Variants in CADM1 observed in about 807,000 individuals in gnomAD.
CADM1 encodes TSLC-1.
Under a neutral mutation model 53.1 loss-of-function variants are expected in CADM1, and 15 were observed. The ratio of observed to expected loss-of-function variants is 0.28; its 90% CI spans 0.19 to 0.44. The LOEUF (loss-of-function observed/expected upper bound fraction) is 0.44, where lower values mean the gene tolerates loss of function less well. CADM1 is among the 20% of genes least tolerant of loss of function. The pLI is 1.00. For missense variants in CADM1, 434 were observed against 611.3 expected (o/e 0.71, Z 3.06); for synonymous variants, 281 against 243.0 (o/e 1.16, Z -1.45).
At chr11:115,217,845 C>T (rs1941251121) in intron 6 of CADM1, 47 bp downstream of exon 6, 2 of 1,163,182 alleles carry the variant, frequency 1.7e-6, no homozygotes, top group Non-Finnish European at 2.6e-6. Context: ...TGTGTTGTGA[C>T]ATTTACTGCG....
chr11:115,383,583 G>A (rs1475192424), intron 1 of CADM1, among the ~76,000 whole-genome samples: 1 of 152,182 alleles, frequency 6.6e-6, no homozygotes, highest in Non-Finnish European at 1.5e-5. Context: ...TTGAACCACA[G>A]AGCAATGCCC....
At chr11:115,323,281 G>C (rs571796553) in intron 1 of CADM1, among the ~76,000 whole-genome samples, 1 of 152,002 alleles carries the variant, frequency 6.6e-6, no homozygotes, top group Admixed American at 6.6e-5. Context: ...CAACTATTCG[G>C]TAGAAATATA....
intron 1 of CADM1, among the ~76,000 whole-genome samples, chr11:115,326,946 T>C (rs1350948886): frequency 6.6e-6 from 1 of 152,210 alleles, no homozygotes; most frequent in African/African-American, 2.4e-5. Context: ...ACCACCGGGC[T>C]ATACTTTCTA....
chr11:115,269,425 C>T (rs972373893), intron 1 of CADM1, among the ~76,000 whole-genome samples: 2 of 152,132 alleles, frequency 1.3e-5, no homozygotes, highest in African/African-American at 4.8e-5. Flanking sequence ...CCTCCATTTC[C>T]GTTATTCAGG....
chr11:115,374,291 A>G (rs1946384772), intron 1 of CADM1, among the ~76,000 whole-genome samples: 1 of 152,224 alleles, frequency 6.6e-6, no homozygotes, highest in Non-Finnish European at 1.5e-5. Context: ...ATAATAATTG[A>G]ATGGATTGAA....
chr11:115,320,053 T>C (rs1184824192), intron 1 of CADM1, among the ~76,000 whole-genome samples: 1 of 152,132 alleles, frequency 6.6e-6, no homozygotes, highest in Admixed American at 6.5e-5. Flanking sequence ...AAACTTTATT[T>C]ATTTATTCAT....
intron 1 of CADM1, among the ~76,000 whole-genome samples, chr11:115,265,715 T>C (rs1475025869): frequency 1.3e-5 from 2 of 152,120 alleles, no homozygotes; most frequent in East Asian, 3.8e-4. Flanking sequence ...TGGTGGGAAA[T>C]CATAAAAAGA....
chr11:115,375,032 T>TA (rs976586672), intron 1 of CADM1, among the ~76,000 whole-genome samples: 6 of 152,208 alleles, frequency 3.9e-5, no homozygotes, highest in Non-Finnish European at 8.8e-5. Context: ...GTTATCTTTT[T>TA]AAAAAAGAAT....
At chr11:115,295,759 CA>C (rs1944061487) in intron 1 of CADM1, among the ~76,000 whole-genome samples, 1 of 151,592 alleles carries the variant, frequency 6.6e-6, no homozygotes, top group Admixed American at 6.6e-5. Flanking sequence ...GGTTTTTGAT[CA>C]AACTAGCCTA....
At chr11:115,293,259 C>T (rs190404188) in intron 1 of CADM1, among the ~76,000 whole-genome samples, 36 of 152,188 alleles carry the variant, frequency 2.4e-4, no homozygotes, top group Non-Finnish European at 4.4e-4. Context: ...GGTGAAACCC[C>T]GTCTCTACTA....
chr11:115,306,180 A>G (rs1944368259), intron 1 of CADM1, among the ~76,000 whole-genome samples: 1 of 151,544 alleles, frequency 6.6e-6, no homozygotes, highest in Admixed American at 6.6e-5. Context: ...TAAGATTATA[A>G]TACTGTATTT....
In CADM1 at chr11:115,178,100, C is replaced by A. The variant is rs79072592; in HGVS notation, c.1297+544G>T. On this transcript the variant is annotated intron_variant, in intron 11 of 11. Coordinates refer to ENST00000331581, the MANE Select transcript of CADM1 (RefSeq NM_001301043.2). ...TGTGATGATTAATGGCAATTTAAAT[C>A]AATTGCACTGATAATTTTAAAAATA... 7.7e-4 allele frequency among the ~76,000 whole-genome samples: 118 copies of A among 152,294 alleles called. 1 individual carries two copies. The East Asian group carries it at 0.02, about 26-fold the overall frequency.
At chr11:115,390,407 C>CGAGA (rs1187369998) in intron 1 of CADM1, among the ~76,000 whole-genome samples, 1 of 146,596 alleles carries the variant, frequency 6.8e-6, no homozygotes, top group Non-Finnish European at 1.5e-5. Flanking sequence ...GGAAGGGAGG[C>CGAGA]GAGAGAGAGA....
intron 1 of CADM1, among the ~76,000 whole-genome samples, chr11:115,410,929 T>C (rs956163303): frequency 6.6e-6 from 1 of 152,078 alleles, no homozygotes; most frequent in African/African-American, 2.4e-5. Flanking sequence ...GCCATGACCA[T>C]AAAAAGGATT....
chr11:115,452,930 T>G (rs929560420), intron 1 of CADM1, among the ~76,000 whole-genome samples: 1 of 152,186 alleles, frequency 6.6e-6, no homozygotes, highest in Admixed American at 6.6e-5. Context: ...GGAGGTATCA[T>G]TGCTTTCTTG....
intron 8 of CADM1, among the ~76,000 whole-genome samples, chr11:115,202,017 C>A (rs1940454760): frequency 6.6e-6 from 1 of 152,152 alleles, no homozygotes; most frequent in South Asian, 2.1e-4. Flanking sequence ...GAAAGATGCA[C>A]ATTCTACTCA....
intron 8 of CADM1, among the ~76,000 whole-genome samples, chr11:115,207,778 A>G (rs1354914161): frequency 6.6e-6 from 1 of 152,224 alleles, no homozygotes; most frequent in Non-Finnish European, 1.5e-5. Context: ...TACCTGGGCA[A>G]GTTCTGCGAA....
At chr11:115,459,281 C>T (rs746044283) in intron 1 of CADM1, among the ~76,000 whole-genome samples, 30 of 152,150 alleles carry the variant, frequency 2.0e-4, no homozygotes, top group Non-Finnish European at 4.4e-4. Context: ...CAGTGTATTA[C>T]GTGTGTTCTC....
Position 115,504,389 on chromosome 11 carries a change from C to A in CADM1, c.6G>T (p.Ala2=). M[A]SVVLPSGSQC... Reference sequence around the variant, plus strand: ...GGGATCCGCTCGGCAGCACTACACTCGCCATGTCGGGCACCTGCCTCAGAC... The same window carrying A: ...GGGATCCGCTCGGCAGCACTACACTAGCCATGTCGGGCACCTGCCTCAGAC... Residue 2 remains alanine (A), a synonymous_variant, in exon 1 of 12, where the codon GCG becomes GCT. Coordinates refer to ENST00000331581, the MANE Select transcript of CADM1 (RefSeq NM_001301043.2). The A allele has an allele frequency of 6.5e-7, 1 of 1,546,150 alleles. No individual in the cohort carries two copies. Among genetic ancestry groups the A allele is most frequent in the Non-Finnish European group, 8.7e-7 (1 of 1,146,054 alleles).
Sources: gnomAD v4.1 joint callset for allele counts (sites outside exome capture counted in the v4.1 genomes callset) on GRCh38, gnomAD v4.1.1 for gene constraint, MANE v1.5 for transcripts, NCBI Gene and HGNC (gene_info 2026-07-23, HGNC 2026-07-21) for gene names.